The following RNFT2 variants were observed in gnomAD, a reference collection of about 807,000 sequenced individuals.
RNFT2 encodes the protein ring finger protein, transmembrane 2, also known as E3 ubiquitin-protein ligase RNFT2.
A neutral mutation model predicts 53.0 loss-of-function variants in RNFT2; 36 were observed. That is an observed-to-expected ratio of 0.68 (90% CI 0.52 to 0.90). The LOEUF is 0.90. Ranked by LOEUF, RNFT2 falls within the 40% of genes least tolerant of loss-of-function variation. RNFT2 has a pLI of 0.00. For synonymous variants in RNFT2, 260 were observed against 253.2 expected, an observed-to-expected ratio of 1.03 and a Z score of -0.26; for missense variants, 514 against 585.6, an observed-to-expected ratio of 0.88 and a Z score of 1.26.
rs540257215 is a variant in RNFT2, at chr12:116,794,372, C to T, written c.882+15024C>T. Among the ~76,000 whole-genome samples the T allele has an allele frequency of 1.9e-3, 282 of 151,342 alleles. 1 individual carries two copies. The highest frequency in any genetic ancestry group is 6.6e-3 in the African/African-American group (269 of 41,014). ...CAGCACTTTGGGAGGCCAAGGCAGG[C>T]GGATCCCTTGAGGTCAGGAGTTCGA... On this transcript the variant is annotated intron_variant, in intron 7 of 10. Transcript: ENST00000257575.
chr12:116,762,840 G>A (rs1371385420), intron 5 of RNFT2, among the ~76,000 whole-genome samples: 4 of 152,144 alleles, frequency 2.6e-5, no homozygotes, highest in African/African-American at 7.2e-5. Context: ...TTGAACACTT[G>A]ACCTCAGGTG....
At chr12:116,832,898 C>CT (rs71095601) in intron 7 of RNFT2, among the ~76,000 whole-genome samples, 63,098 of 85,080 alleles carry the variant, frequency 0.74, 24,221 homozygotes, top group East Asian at 0.88. Context: ...AAGTCGTGTT[C>CT]TTTTTTTTTT....
intron 7 of RNFT2, among the ~76,000 whole-genome samples, chr12:116,796,393 G>C (rs1874508042): frequency 6.6e-6 from 1 of 152,206 alleles, no homozygotes. Flanking sequence ...GGAGGAGGAA[G>C]CCCTTCCATA....
At chr12:116,843,901 C>G (rs1877479338) in intron 10 of RNFT2, among the ~76,000 whole-genome samples, 1 of 152,210 alleles carries the variant, frequency 6.6e-6, no homozygotes, top group South Asian at 2.1e-4. Context: ...AGCCCCTACT[C>G]TGTACCAGCT....
At chr12:116,811,595 T>C (rs1875381407) in intron 7 of RNFT2, among the ~76,000 whole-genome samples, 1 of 152,172 alleles carries the variant, frequency 6.6e-6, no homozygotes, top group South Asian at 2.1e-4. Context: ...AGGCTGATCT[T>C]AAACTCCTGA....
rs1428498251 is a variant in RNFT2 at position 116,794,672 on chromosome 12, AAGGG to A, written c.882+15342_882+15345del. Among the ~76,000 whole-genome samples, 319 of 59,622 alleles carry A rather than the reference AAGGG, an allele frequency of 5.4e-3. 7 individuals are homozygous for A. Among genetic ancestry groups the A allele is most frequent in the African/African-American group, 0.028 (296 of 10,610 alleles). The allele number at this position is 59,622 out of a possible 152,430, so 39.1% of individuals were successfully genotyped here. The stretch of plus-strand genomic sequence containing the variant: ...GAAGGAAGGAAGGAAGGGAGGAAGG[AAGGG>A]AGGGAGGGAGGGAGGGAAGGGAAGG... On this transcript the variant is annotated intron_variant, in intron 7 of 10. Transcript: ENST00000257575.
At chr12:116,828,710 G>A (rs1055374849) in intron 7 of RNFT2, among the ~76,000 whole-genome samples, 3 of 152,074 alleles carry the variant, frequency 2.0e-5, no homozygotes, top group Non-Finnish European at 4.4e-5. Context: ...GAAAGGGAAG[G>A]AAGGCAGCAT....
At chr12:116,796,803 A>G (rs867112597) in intron 7 of RNFT2, among the ~76,000 whole-genome samples, 213 of 152,298 alleles carry the variant, frequency 1.4e-3, no homozygotes, top group African/African-American at 4.8e-3. Context: ...TGGCTGCATA[A>G]CATTCTGTGT....
chr12:116,811,371 G>A (rs1229866296), intron 7 of RNFT2, among the ~76,000 whole-genome samples: 22 of 76,714 alleles, frequency 2.9e-4, no homozygotes, highest in East Asian at 5.2e-4. Flanking sequence ...CTCAATGGGT[G>A]TATTTTTTTT....
chr12:116,769,294 G>A (rs1873067134), intron 6 of RNFT2, among the ~76,000 whole-genome samples: 1 of 152,142 alleles, frequency 6.6e-6, no homozygotes, highest in South Asian at 2.1e-4. Flanking sequence ...GGAGGCAGAG[G>A]TTGCAGTGAG....
intron 7 of RNFT2, among the ~76,000 whole-genome samples, chr12:116,810,368 G>A (rs1175606836): frequency 6.6e-6 from 1 of 152,170 alleles, no homozygotes; most frequent in Non-Finnish European, 1.5e-5. Context: ...GTGTGGAAGT[G>A]GAAAACAGTT....
intron 7 of RNFT2, among the ~76,000 whole-genome samples, chr12:116,786,775 T>C (rs1440674825): frequency 6.6e-6 from 1 of 152,192 alleles, no homozygotes; most frequent in Admixed American, 6.5e-5. Context: ...AAAATCAGTG[T>C]CACTGAGCCA....
intron 10 of RNFT2, among the ~76,000 whole-genome samples, chr12:116,845,857 A>G (rs895792373): frequency 2.6e-5 from 4 of 152,116 alleles, no homozygotes; most frequent in Non-Finnish European, 5.9e-5. Context: ...AAGTGCCTCA[A>G]ACATCTTCCT....
chr12:116,802,018 C>T (rs1021340903), intron 7 of RNFT2, among the ~76,000 whole-genome samples: 2 of 152,150 alleles, frequency 1.3e-5, no homozygotes, highest in Admixed American at 6.6e-5. Context: ...GATGGAGTTT[C>T]GCCATGTTGG....
chr12:116,851,440 T>C lies in RNFT2; in HGVS notation c.*1992T>C. On this transcript the variant is annotated 3_prime_UTR_variant, in exon 11 of 11. Coordinates refer to ENST00000257575, the MANE Select transcript of RNFT2 (RefSeq NM_001382266.1). Reference sequence around the variant, plus strand: ...GCATGGGGCCCAGCAGACACGGTCTTCTAAAAGCACACGAGAGGCCGGGTG... The same window carrying C: ...GCATGGGGCCCAGCAGACACGGTCTCCTAAAAGCACACGAGAGGCCGGGTG... 2.7e-6 allele frequency: 1 copy of C among 371,464 alleles called. No individual in the cohort carries two copies. Among genetic ancestry groups the C allele is most frequent in the South Asian group, 2.7e-5 (1 of 37,590 alleles). The allele number at this position is 371,464 out of a possible 1,614,324, so 23.0% of individuals were successfully genotyped here.
intron 6 of RNFT2, among the ~76,000 whole-genome samples, chr12:116,776,721 A>T (rs545263003): frequency 6.6e-6 from 1 of 152,194 alleles, no homozygotes; most frequent in East Asian, 1.9e-4. Context: ...TGCTGAGTGT[A>T]CTTCTCCCTG....
intron 7 of RNFT2, among the ~76,000 whole-genome samples, chr12:116,820,224 G>A (rs1355916507): frequency 6.6e-6 from 1 of 152,130 alleles, no homozygotes; most frequent in Non-Finnish European, 1.5e-5. Context: ...CCGAGTAGCT[G>A]GGTCTACAGG....
Position 116,748,741 on chromosome 12 carries a change from C to T in RNFT2, c.84-1100C>T, listed in dbSNP as rs909086317. 9 of 425,742 alleles carry T rather than the reference C, an allele frequency of 2.1e-5. No homozygotes were observed. The East Asian group carries it at 3.2e-4, about 15-fold the overall frequency. The allele number at this position is 425,742 out of a possible 1,614,324, so 26.4% of individuals were successfully genotyped here. Reference sequence around the variant, plus strand: ...GCAGAGCCAGCGGTCCTTGGGATCCCGAGGTAATTCTAGAATCATAGAATT... The same window carrying T: ...GCAGAGCCAGCGGTCCTTGGGATCCTGAGGTAATTCTAGAATCATAGAATT... On this transcript the variant is annotated intron_variant, in intron 3 of 10. Coordinates refer to ENST00000257575, the MANE Select transcript of RNFT2 (RefSeq NM_001382266.1).
chr12:116,777,047 C>T (rs1050344710), intron 6 of RNFT2, among the ~76,000 whole-genome samples: 9 of 151,102 alleles, frequency 6.0e-5, no homozygotes, highest in Middle Eastern at 3.4e-3. Flanking sequence ...CCTTCCGAGT[C>T]GCTAAGACTA....
Sources: gnomAD v4.1 joint callset for allele counts (sites outside exome capture counted in the v4.1 genomes callset) on GRCh38, gnomAD v4.1.1 for gene constraint, MANE v1.5 for transcripts, NCBI Gene and HGNC (gene_info 2026-07-23, HGNC 2026-07-21) for gene names.